The following SEPTIN8 variants were observed in gnomAD, a reference collection of about 807,000 sequenced individuals.
SEPTIN8 encodes the protein septin-8.
SEPTIN8 carries 22 observed loss-of-function variants against 53.1 expected under a neutral mutation model. The ratio of observed to expected loss-of-function variants is 0.41; its 90% CI spans 0.30 to 0.59. The LOEUF is 0.59. Ranked by LOEUF, SEPTIN8 falls within the 20% of genes least tolerant of loss-of-function variation. The pLI is 0.24. For missense variants in SEPTIN8, 536 were observed against 638.7 expected, an observed-to-expected ratio of 0.84 and a Z score of 1.73; for synonymous variants, 228 against 248.4, an observed-to-expected ratio of 0.92 and a Z score of 0.77.
Position 132,760,714 on chromosome 5 carries a change from G to T in SEPTIN8, c.1286+88C>A. 1 of 1,254,470 alleles carries T rather than the reference G, an allele frequency of 8.0e-7. No individual in the cohort carries two copies. Among genetic ancestry groups the T allele is most frequent in the Non-Finnish European group, 1.1e-6 (1 of 892,884 alleles). The allele number at this position is 1,254,470 out of a possible 1,614,324, so 77.7% of individuals were successfully genotyped here. ...GAAAGGGGTAAGAGAGGGCGAGCAG[G>T]AGAGCGAGAAGGGAGGTGAGGGACA... On this transcript the variant is annotated intron_variant, in intron 9 of 9. Coordinates refer to ENST00000378719, the MANE Select transcript of SEPTIN8 (RefSeq NM_001098811.2). This position sits in a 1 kb window ranked among gnomAD's most constrained non-coding sequence, Gnocchi z 5.2.
chr5:132,752,657 G>GA (rs1382557334), intron 9 of SEPTIN8, among the ~76,000 whole-genome samples: 2 of 152,204 alleles, frequency 1.3e-5, no homozygotes, highest in Admixed American at 6.5e-5. Flanking sequence ...CCTCAGAACA[G>GA]ATAGGTTAGG....
chr5:132,758,952 C>T (rs774277578), intron 9 of SEPTIN8: 42 of 879,404 alleles, frequency 4.8e-5, no homozygotes, highest in Middle Eastern at 4.3e-4. Context: ...GCATTTGTGA[C>T]GAGCAAAGCA....
chr5:132,766,893 C>T (rs1381943930), intron 1 of SEPTIN8, among the ~76,000 whole-genome samples: 2 of 152,118 alleles, frequency 1.3e-5, no homozygotes, highest in Admixed American at 6.5e-5. Flanking sequence ...TCCCTCCCAA[C>T]CAGAGAACCT....
chr5:132,765,074 T>G (rs1283330160), intron 2 of SEPTIN8, among the ~76,000 whole-genome samples: 6 of 151,994 alleles, frequency 3.9e-5, no homozygotes, highest in Non-Finnish European at 4.4e-5. Flanking sequence ...ATAACGTCCT[T>G]GACACAGGGT....
chr5:132,778,905 A>G (rs952288047), upstream of SEPTIN8, among the ~76,000 whole-genome samples: 2 of 152,204 alleles, frequency 1.3e-5, no homozygotes, highest in African/African-American at 4.8e-5. Flanking sequence ...CCTATAACTA[A>G]CAAGAAATCA....
At chr5:132,754,410 A>G (rs1755149282) in intron 9 of SEPTIN8, 1 of 717,378 alleles carries the variant, frequency 1.4e-6, no homozygotes. Context: ...CTGAGGGCCC[A>G]TACCAGTTTA....
At chr5:132,777,293 A>G, upstream of SEPTIN8, 1 of 1,094,440 alleles carries the variant, frequency 9.1e-7, no homozygotes, top group South Asian at 4.5e-5. This position sits in a 1 kb window ranked among gnomAD's most constrained non-coding sequence, Gnocchi z 4.1. Context: ...CGGCGGGAGA[A>G]GCCGCGGAGC....
chr5:132,772,048 A>G (rs1757376341), intron 1 of SEPTIN8, among the ~76,000 whole-genome samples: 1 of 152,238 alleles, frequency 6.6e-6, no homozygotes, highest in Non-Finnish European at 1.5e-5. Flanking sequence ...CATGGTCCCA[A>G]CATGACGGCA....
intron 1 of SEPTIN8, among the ~76,000 whole-genome samples, chr5:132,768,039 C>T (rs1756802041): frequency 6.6e-6 from 1 of 151,012 alleles, no homozygotes; most frequent in Non-Finnish European, 1.5e-5. Context: ...CCTGTTTTCC[C>T]CCACTTTCTT....
rs1375494344 is a variant in SEPTIN8, at chr5:132,776,439, G to C, written c.30+669C>G. On this transcript the variant is annotated intron_variant, in intron 1 of 9. Transcript: ENST00000378719. This position sits in a 1 kb window ranked among gnomAD's most constrained non-coding sequence, Gnocchi z 4.4. ...ATCAACCTTCTGAGGACCTGGACTG[G>C]AGCCCAAATAAACGCCCACTGGGCT... Among the ~76,000 whole-genome samples the C allele has an allele frequency of 6.6e-6, 1 of 152,346 alleles. No individual in the cohort carries two copies. Among genetic ancestry groups the C allele is most frequent in the African/African-American group, 2.4e-5 (1 of 41,582 alleles).
rs1315665655 is a variant in SEPTIN8, at chr5:132,751,591, AACTGGCC to A, written c.*418_*424del. The A allele has an allele frequency of 3.4e-6, 1 of 293,290 alleles. No homozygotes were observed. The highest frequency in any genetic ancestry group is 6.3e-6 in the Non-Finnish European group (1 of 158,286). The allele number at this position is 293,290 out of a possible 1,614,324, so 18.2% of individuals were successfully genotyped here. Reference sequence around the variant, plus strand: ...TTACTAAAGACTGTTTCATTACGAAAACTGGCCACCGTTGCCAAGTTGCAGAGTTTCG... The same window carrying A: ...TTACTAAAGACTGTTTCATTACGAAAACCGTTGCCAAGTTGCAGAGTTTCG... On this transcript the variant is annotated 3_prime_UTR_variant, in exon 10 of 10. Transcript: ENST00000378719.
In SEPTIN8 at chr5:132,764,163, T is replaced by C. The variant is rs780176845; in HGVS notation, c.347+61A>G. 22 of 1,527,246 alleles carry C rather than the reference T, an allele frequency of 1.4e-5. No homozygotes were observed. The Admixed American group carries it at 1.5e-4, about 10-fold the overall frequency. 94.6% of individuals were successfully genotyped at this position (1,527,246 alleles called of 1,614,324 possible). On this transcript the variant is annotated intron_variant, in intron 3 of 9. Transcript: ENST00000378719. ...CAGTGTGAGGGCTGGGCTACTGTTA[T>C]AGGGGCCAATGTAGGTGGGGTGGGA...
At position 132,770,145 on chromosome 5, in the gene SEPTIN8, G is replaced by A. The variant is rs531938423; in HGVS notation, c.31-4616C>T. On this transcript the variant is annotated intron_variant, in intron 1 of 9. Transcript: ENST00000378719. ...TATATGTATATATGTGTATGTGTGTGTATATATATATATATATATATGTAT... is the reference window on the plus strand; with the variant it reads ...TATATGTATATATGTGTATGTGTGTATATATATATATATATATATATGTAT... 1.9e-3 allele frequency among the ~76,000 whole-genome samples: 163 copies of A among 84,912 alleles called. 4 individuals are homozygous for A. Among genetic ancestry groups the A allele is most frequent in the African/African-American group, 0.019 (158 of 8,338 alleles). The allele number at this position is 84,912 out of a possible 152,430, so 55.7% of individuals were successfully genotyped here.
Position 132,777,109 on chromosome 5 carries a change from G to C in SEPTIN8, c.29C>G (p.Ser10Trp). Reference protein sequence around the residue: MAATDLERFSNAEPEPRSLS... With the variant: MAATDLERFWNAEPEPRSLS... ...GCCGTGGCCCAGCGGGGCCCTCACC[G>C]AGAAGCGCTCCAGGTCGGTGGCCGC... The change falls in exon 1 of 10, where the codon TCG (serine) becomes TGG (tryptophan). Residue 10 changes from serine (S) to tryptophan (W), a missense_variant and splice_region_variant. Physicochemically the swap from Ser to Trp is radical, Grantham distance 177. Transcript: ENST00000378719. This position sits in a 1 kb window ranked among gnomAD's most constrained non-coding sequence, Gnocchi z 4.1. 1 of 1,159,826 alleles carries C rather than the reference G, an allele frequency of 8.6e-7. No homozygotes were observed. The highest frequency in any genetic ancestry group is 4.0e-5 in the East Asian group (1 of 25,102). The allele number at this position is 1,159,826 out of a possible 1,614,324, so 71.8% of individuals were successfully genotyped here.
At chr5:132,762,094 C>T (rs1437798557) in intron 5 of SEPTIN8, among the ~76,000 whole-genome samples, 198 bp from the exon 6 acceptor site, 1 of 152,170 alleles carries the variant, frequency 6.6e-6, no homozygotes, top group Admixed American at 6.5e-5. Flanking sequence ...CCTCAACCCC[C>T]TCCCTGGTGC....
intron 9 of SEPTIN8, chr5:132,758,122 C>T (rs1755514649): frequency 9.8e-7 from 1 of 1,022,132 alleles, no homozygotes; most frequent in Non-Finnish European, 1.2e-6. Context: ...CCAATTCCAT[C>T]CATAAAGAAA....
chr5:132,777,528 G>T, upstream of SEPTIN8: 1 of 961,174 alleles, frequency 1.0e-6, no homozygotes, highest in Non-Finnish European at 1.2e-6. This position sits in a 1 kb window ranked among gnomAD's most constrained non-coding sequence, Gnocchi z 4.1. Flanking sequence ...TGGAGCCTGG[G>T]GCCGAGCCTA....
At chr5:132,754,632 G>T in intron 9 of SEPTIN8, 1 of 638,898 alleles carries the variant, frequency 1.6e-6, no homozygotes, top group Middle Eastern at 2.9e-4. Flanking sequence ...GCTCACTTTT[G>T]TATTGCCGAA....
At chr5:132,778,286 C>T (rs1033964718), upstream of SEPTIN8, 3 of 157,644 alleles carry the variant, frequency 1.9e-5, no homozygotes, top group African/African-American at 7.2e-5. Flanking sequence ...ACACCCCTCA[C>T]CCCAGTATGC....
Sources: gnomAD v4.1 joint callset for allele counts (sites outside exome capture counted in the v4.1 genomes callset) on GRCh38, gnomAD v4.1.1 for gene constraint, Gnocchi (gnomAD v3.1) non-coding constraint, MANE v1.5 for transcripts, NCBI Gene and HGNC (gene_info 2026-07-23, HGNC 2026-07-21) for gene names.